The following BRAF variants were observed in gnomAD, a reference collection of about 807,000 sequenced individuals.
BRAF encodes B-Raf proto-oncogene, serine/threonine kinase.
In BRAF, 16 loss-of-function variants were observed where a neutral mutation model predicts 104.6. The observed-to-expected ratio is 0.15, with a 90% CI of 0.10 to 0.23. The LOEUF is 0.23. BRAF is among the 10% of genes least tolerant of loss of function. The pLI is 1.00. For missense variants in BRAF, 541 were observed against 937.3 expected (o/e 0.58, Z 5.52); for synonymous variants, 310 against 341.6 (o/e 0.91, Z 1.02).
intron 1 of BRAF, among the ~76,000 whole-genome samples, chr7:140,910,482 A>G (rs1026315872): frequency 3.3e-5 from 5 of 151,962 alleles, no homozygotes; most frequent in Admixed American, 1.3e-4. Flanking sequence ...TTCCCCTCCA[A>G]ATGAAATCCC....
chr7:140,762,575 C>T (rs1275898495), intron 14 of BRAF, among the ~76,000 whole-genome samples: 1 of 139,532 alleles, frequency 7.2e-6, no homozygotes, highest in African/African-American at 2.6e-5. Context: ...CAAAAAAACC[C>T]TTCAAAAAAT....
intron 19 of BRAF, among the ~76,000 whole-genome samples, chr7:140,728,538 T>C (rs929599896): frequency 6.6e-6 from 1 of 151,362 alleles, no homozygotes; most frequent in East Asian, 1.9e-4. Context: ...TTGGGGAATC[T>C]AGCACTGATT....
intron 17 of BRAF, among the ~76,000 whole-genome samples, chr7:140,746,022 T>C (rs1051377825): frequency 1.1e-4 from 17 of 152,258 alleles, no homozygotes; most frequent in African/African-American, 4.1e-4. Context: ...CACTTCTGAG[T>C]AGATCCTTTT....
intron 1 of BRAF, among the ~76,000 whole-genome samples, chr7:140,893,440 G>A (rs909279507): frequency 6.6e-6 from 1 of 151,914 alleles, no homozygotes; most frequent in Non-Finnish European, 1.5e-5. Flanking sequence ...CAGTGGAGAC[G>A]GGGTTTCACC....
At chr7:140,728,786 A>G (rs1795758356) in intron 19 of BRAF, among the ~76,000 whole-genome samples, 1 of 152,152 alleles carries the variant, frequency 6.6e-6, no homozygotes, top group Non-Finnish European at 1.5e-5. Context: ...ATCAAATCTC[A>G]TTAAAGGAAG....
intron 3 of BRAF, among the ~76,000 whole-genome samples, chr7:140,810,073 C>T (rs1286911256): frequency 6.6e-6 from 1 of 151,812 alleles, no homozygotes; most frequent in Non-Finnish European, 1.5e-5. Flanking sequence ...AAGTTCCATT[C>T]ATTTAAATTG....
At position 140,734,788 on chromosome 7, in the gene BRAF, AAAAAAAAAG is replaced by A. The variant is rs761539834; in HGVS notation, c.2248-27_2248-19del. ...GCGAGAATCTACAAAAAAAAAAAGA[AAAAAAAAAG>A]AAAAAAAAAGAAAAAAGAAAAAAAA... On this transcript the variant is annotated intron_variant, in intron 18 of 19. Transcript: ENST00000644969. The A allele has an allele frequency of 1.6e-4, 187 of 1,191,240 alleles. No individual in the cohort carries two copies. Among genetic ancestry groups the A allele is most frequent in the Middle Eastern group, 2.8e-4 (1 of 3,580 alleles). 73.8% of individuals were successfully genotyped at this position (1,191,240 alleles called of 1,614,324 possible).
At chr7:140,861,158 A>T (rs1563000946) in intron 1 of BRAF, among the ~76,000 whole-genome samples, 1 of 152,208 alleles carries the variant, frequency 6.6e-6, no homozygotes, top group Admixed American at 6.5e-5. Flanking sequence ...CAGTTTGCAA[A>T]CCGTGGAGAT....
chr7:140,727,694 C>T (rs1795686357), intron 19 of BRAF, among the ~76,000 whole-genome samples: 1 of 151,874 alleles, frequency 6.6e-6, no homozygotes, highest in South Asian at 2.1e-4. Context: ...GATCTCGGCT[C>T]ACTGCAAGCC....
intron 5 of BRAF, among the ~76,000 whole-genome samples, chr7:140,802,793 T>C (rs1294711814): frequency 6.6e-6 from 1 of 152,194 alleles, no homozygotes; most frequent in East Asian, 1.9e-4. Flanking sequence ...ATTTTTTACT[T>C]TATAAACTTT....
At chr7:140,912,909 T>C (rs1363071787) in intron 1 of BRAF, among the ~76,000 whole-genome samples, 2 of 152,326 alleles carry the variant, frequency 1.3e-5, no homozygotes, top group East Asian at 3.9e-4. Context: ...ATCACCAATA[T>C]GGCCTAGATA....
intron 18 of BRAF, among the ~76,000 whole-genome samples, chr7:140,736,107 A>G (rs1461465343): frequency 1.5e-5 from 2 of 135,430 alleles, no homozygotes; most frequent in East Asian, 4.4e-4. Flanking sequence ...GTCTCACTCT[A>G]TTGTCCAGGC....
At chr7:140,739,732 C>T (rs1796751570) in intron 18 of BRAF, 80 bp downstream of exon 17, 3 of 1,529,520 alleles carry the variant, frequency 2.0e-6, no homozygotes, top group Admixed American at 1.7e-5. Flanking sequence ...GAAATACACA[C>T]TGTGTGCCCA....
At chr7:140,904,472 C>T (rs529501296) in intron 1 of BRAF, among the ~76,000 whole-genome samples, 108 of 151,966 alleles carry the variant, frequency 7.1e-4, no homozygotes, top group African/African-American at 2.5e-3. Flanking sequence ...CAAGAAACTT[C>T]GTATCTAAAG....
chr7:140,784,861 G>C (rs1801200853), intron 10 of BRAF, among the ~76,000 whole-genome samples: 1 of 151,958 alleles, frequency 6.6e-6, no homozygotes, highest in Non-Finnish European at 1.5e-5. Flanking sequence ...TGACCAGGCT[G>C]GTCTCAAACT....
At chr7:140,919,906 G>A (rs1030928020) in intron 1 of BRAF, among the ~76,000 whole-genome samples, 5 of 151,736 alleles carry the variant, frequency 3.3e-5, no homozygotes, top group Non-Finnish European at 7.4e-5. Flanking sequence ...GCAGTGGTGC[G>A]ATCATGGCTC....
Position 140,876,564 on chromosome 7 carries a change from T to C in BRAF, c.139-26352A>G, listed in dbSNP as rs566085522. Among the ~76,000 whole-genome samples, 4 of 152,332 alleles carry C rather than the reference T, an allele frequency of 2.6e-5. No individual in the cohort carries two copies. In the South Asian group the frequency reaches 8.3e-4, roughly 32 times the overall value. The stretch of plus-strand genomic sequence containing the variant: ...TTTAAAATGACCCAACTATATGTAG[T>C]CTACGAGTAATTCACTTCAAATATA... On this transcript the variant is annotated intron_variant, in intron 1 of 19. Transcript: ENST00000644969.
intron 14 of BRAF, among the ~76,000 whole-genome samples, chr7:140,764,034 T>C (rs1056458394): frequency 6.6e-6 from 1 of 152,194 alleles, no homozygotes; most frequent in Non-Finnish European, 1.5e-5. Context: ...TGAACATTGA[T>C]GCAAAAATCC....
At chr7:140,877,266 TA>T (rs1372276009) in intron 1 of BRAF, among the ~76,000 whole-genome samples, 4 of 140,628 alleles carry the variant, frequency 2.8e-5, no homozygotes, top group African/African-American at 8.0e-5. Flanking sequence ...CTTGTGCCAT[TA>T]TTTTTTTTTT....
Sources: gnomAD v4.1 joint callset for allele counts (sites outside exome capture counted in the v4.1 genomes callset) on GRCh38, gnomAD v4.1.1 for gene constraint, MANE v1.5 for transcripts, NCBI Gene and HGNC (gene_info 2026-07-23, HGNC 2026-07-21) for gene names.